Variants in PDZRN4 observed in about 807,000 individuals in gnomAD.
PDZRN4 encodes PDZ domain-containing RING finger protein 4.
In PDZRN4, 70 loss-of-function variants were observed where a neutral mutation model predicts 99.0. The ratio of observed to expected loss-of-function variants is 0.71; its 90% CI spans 0.58 to 0.86. The LOEUF is 0.86. Ranked by LOEUF, PDZRN4 falls within the 40% of genes least tolerant of loss-of-function variation. The pLI is 0.00. For synonymous variants in PDZRN4, 551 were observed against 501.6 expected, an observed-to-expected ratio of 1.10 and a Z score of -1.32; for missense variants, 1,474 against 1,331.2, an observed-to-expected ratio of 1.11 and a Z score of -1.67.
intron 3 of PDZRN4, among the ~76,000 whole-genome samples, chr12:41,290,325 G>A (rs1951450004): frequency 6.6e-6 from 1 of 152,096 alleles, no homozygotes. Context: ...AAAATTCTTT[G>A]ATTCAAAACA....
intron 6 of PDZRN4, among the ~76,000 whole-genome samples, chr12:41,555,123 C>T (rs1263884963): frequency 6.9e-6 from 1 of 145,464 alleles, no homozygotes; most frequent in Admixed American, 6.9e-5. Flanking sequence ...CACAGCTACT[C>T]GGGAGTCTGA....
chr12:41,343,605 G>A (rs7299325), intron 3 of PDZRN4, among the ~76,000 whole-genome samples: 58,158 of 151,452 alleles, frequency 0.38, 11,233 homozygotes, highest in African/African-American at 0.41. Flanking sequence ...GGGGAGGATA[G>A]AGAGAGTTGT....
chr12:41,210,195 T>C (rs1950878923), intron 3 of PDZRN4, among the ~76,000 whole-genome samples: 1 of 82,644 alleles, frequency 1.2e-5, no homozygotes, highest in African/African-American at 4.6e-5. Flanking sequence ...GATGGGGTTG[T>C]TTGTTTTTTT....
intron 3 of PDZRN4, among the ~76,000 whole-genome samples, chr12:41,208,448 G>T (rs540003321): frequency 6.6e-6 from 1 of 151,934 alleles, no homozygotes; most frequent in East Asian, 1.9e-4. Flanking sequence ...AGTAATATTT[G>T]CATCAGTTTA....
At chr12:41,567,702 G>A in intron 8 of PDZRN4, 81 bp from the exon 9 acceptor site, 3 of 728,494 alleles carry the variant, frequency 4.1e-6, no homozygotes, top group Non-Finnish European at 6.7e-6. Context: ...GAACTCGTCG[G>A]GCACCGGCCA....
intron 5 of PDZRN4, among the ~76,000 whole-genome samples, chr12:41,525,763 G>A: frequency 6.6e-6 from 1 of 151,974 alleles, no homozygotes; most frequent in East Asian, 1.9e-4. Context: ...ACAAGCACTT[G>A]AAACATGATT....
intron 3 of PDZRN4, among the ~76,000 whole-genome samples, chr12:41,378,584 A>G (rs1349446623): frequency 7.5e-6 from 1 of 133,368 alleles, no homozygotes; most frequent in Non-Finnish European, 1.5e-5. Context: ...GTACAATGGC[A>G]TGATCTTGGC....
chr12:41,188,904 C>G lies in PDZRN4; in HGVS notation c.449C>G (p.Pro150Arg). The G allele has an allele frequency of 9.0e-7, 1 of 1,107,808 alleles. No homozygotes were observed. The highest frequency in any genetic ancestry group is 1.7e-5 in the African/African-American group (1 of 59,976). 68.6% of individuals were successfully genotyped at this position (1,107,808 alleles called of 1,614,324 possible). ...GRGGGARGGP[P>R]GGRWGRGRGP... ...GGCGGGGGCGCGCGCGGGGGGCCGC[C>G]GGGCGGCCGCTGGGGCCGCGGGCGG... is the stretch of plus-strand genomic sequence containing the variant. The change falls in exon 1 of 10, where the codon CCG becomes CGG. Residue 150 changes from proline to arginine, a missense_variant. Transcript: ENST00000402685.
chr12:41,365,841 T>A (rs1282307703), intron 3 of PDZRN4, among the ~76,000 whole-genome samples: 1 of 152,124 alleles, frequency 6.6e-6, no homozygotes, highest in Non-Finnish European at 1.5e-5. Context: ...AAAAGCTGAT[T>A]ATAATTGATG....
At chr12:41,333,435 T>C (rs964087545) in intron 3 of PDZRN4, among the ~76,000 whole-genome samples, 1 of 152,120 alleles carries the variant, frequency 6.6e-6, no homozygotes, top group African/African-American at 2.4e-5. Flanking sequence ...GCTTGCTCCA[T>C]GAATGGGGAG....
At chr12:41,412,584 A>G (rs912476507) in intron 3 of PDZRN4, 12 of 152,164 alleles carry the variant, frequency 7.9e-5, no homozygotes, top group Non-Finnish European at 1.6e-4. Context: ...AACAAAAAGG[A>G]CGGTCAATAT....
Position 41,318,640 on chromosome 12 carries a change from G to A in PDZRN4, c.843+124452G>A, listed in dbSNP as rs540306415. 1.1e-3 allele frequency among the ~76,000 whole-genome samples: 167 copies of A among 152,268 alleles called. 1 individual carries two copies. Among genetic ancestry groups the A allele is most frequent in the African/African-American group, 3.8e-3 (159 of 41,550 alleles). On this transcript the variant is annotated intron_variant, in intron 3 of 9. Transcript: ENST00000402685. ...GTATCACACTTTACTTTCTGCAGTT[G>A]TATAATGAAAACAGTGGATTTATTG...
intron 3 of PDZRN4, among the ~76,000 whole-genome samples, chr12:41,421,748 C>T (rs1313680950): frequency 6.6e-6 from 1 of 152,112 alleles, no homozygotes; most frequent in African/African-American, 2.4e-5. Context: ...ATTTCTTCTA[C>T]TAACAATTTT....
rs1952028717 is a variant in PDZRN4, at chr12:41,369,929, A to T, written c.844-136527A>T. Among the ~76,000 whole-genome samples, 2 of 151,874 alleles carry T rather than the reference A, an allele frequency of 1.3e-5. 1 individual carries two copies. The highest frequency in any genetic ancestry group is 1.3e-4 in the Admixed American group (2 of 15,226). On this transcript the variant is annotated intron_variant, in intron 3 of 9. Transcript: ENST00000402685. ...CCATGATTCAGATATTAAGCATCTC[A>T]TTTTCATTACTTAGTAATTAGTCTT...
At chr12:41,410,541 C>T (rs900748259) in intron 3 of PDZRN4, among the ~76,000 whole-genome samples, 4 of 152,136 alleles carry the variant, frequency 2.6e-5, no homozygotes, top group Non-Finnish European at 4.4e-5. Context: ...AAGTGAAATG[C>T]TAAAATATTA....
intron 3 of PDZRN4, among the ~76,000 whole-genome samples, chr12:41,471,863 T>C (rs1489898568): frequency 1.3e-5 from 2 of 151,986 alleles, no homozygotes; most frequent in East Asian, 3.8e-4. Flanking sequence ...AAAATACATT[T>C]TCATACACTA....
chr12:41,492,974 T>C (rs35487549), intron 3 of PDZRN4, among the ~76,000 whole-genome samples: 9,469 of 152,296 alleles, frequency 0.062, 389 homozygotes, highest in Non-Finnish European at 0.093. Flanking sequence ...TAAATATTTA[T>C]TACCAGAGGA....
chr12:41,298,831 G>T (rs1228686496), intron 3 of PDZRN4, among the ~76,000 whole-genome samples: 1 of 152,070 alleles, frequency 6.6e-6, no homozygotes, highest in Non-Finnish European at 1.5e-5. Flanking sequence ...GATTTGGGGA[G>T]AATATTCTTT....
intron 5 of PDZRN4, among the ~76,000 whole-genome samples, chr12:41,517,102 G>A (rs1938413902): frequency 6.6e-6 from 1 of 151,996 alleles, no homozygotes; most frequent in African/African-American, 2.4e-5. Flanking sequence ...ATTTGTTCAT[G>A]TAATTTCATA....
Sources: allele counts gnomAD v4.1 joint callset (sites outside exome capture counted in the v4.1 genomes callset), GRCh38; gene constraint gnomAD v4.1.1; transcripts MANE v1.5; gene names NCBI Gene and HGNC (gene_info 2026-07-23, HGNC 2026-07-21).